The following ZNF461 variants were observed in gnomAD, a reference collection of about 807,000 sequenced individuals.
ZNF461 encodes gonadotropin-inducible ovarian transcription factor-1.
In ZNF461, 16 loss-of-function variants were observed where a neutral mutation model predicts 18.3. The ratio of observed to expected loss-of-function variants is 0.88; its 90% CI spans 0.59 to 1.33. ZNF461 has a LOEUF of 1.33. Ranked by LOEUF, ZNF461 falls within the 40% of genes most tolerant of loss-of-function variation. The pLI is 0.00. For synonymous variants in ZNF461, 179 were observed against 216.9 expected, an observed-to-expected ratio of 0.83 and a Z score of 1.54; for missense variants, 595 against 669.9, an observed-to-expected ratio of 0.89 and a Z score of 1.23.
At chr19:36,656,925 C>G (rs931434517) in intron 3 of ZNF461, among the ~76,000 whole-genome samples, 2 of 151,336 alleles carry the variant, frequency 1.3e-5, no homozygotes, top group South Asian at 2.1e-4. Flanking sequence ...GTTCAAGTGA[C>G]TCTCCTGCCT....
chr19:36,640,242 C>G, intron 5 of ZNF461, 199 bp from the exon 6 acceptor site: 2 of 490,298 alleles, frequency 4.1e-6, no homozygotes, highest in Non-Finnish European at 7.1e-6. Flanking sequence ...TTCAATGGTG[C>G]TGAAATTTTG....
chr19:36,651,489 T>C (rs975616584), intron 4 of ZNF461, among the ~76,000 whole-genome samples: 17 of 151,894 alleles, frequency 1.1e-4, no homozygotes, highest in Non-Finnish European at 2.4e-4. Context: ...AAAAAAAAAC[T>C]AGTACTAATA....
At chr19:36,658,448 T>C (rs781179447) in intron 2 of ZNF461, 23 bp from the exon 3 acceptor site, 2 of 1,569,502 alleles carry the variant, frequency 1.3e-6, no homozygotes, top group Non-Finnish European at 1.7e-6. Context: ...ATAATAGTAC[T>C]ATTTTTGAAA....
chr19:36,660,102 G>A (rs1219371533), intron 2 of ZNF461, among the ~76,000 whole-genome samples: 1 of 135,416 alleles, frequency 7.4e-6, no homozygotes, highest in Non-Finnish European at 1.6e-5. Flanking sequence ...TGTCATCCTT[G>A]TTTCTCATTG....
chr19:36,653,032 T>G (rs2037656515), intron 4 of ZNF461, among the ~76,000 whole-genome samples: 1 of 152,102 alleles, frequency 6.6e-6, no homozygotes, highest in Non-Finnish European at 1.5e-5. Context: ...AAAACCACAA[T>G]AAGATATAAT....
chr19:36,645,129 G>A (rs902315193), intron 4 of ZNF461: 1 of 152,614 alleles, frequency 6.6e-6, no homozygotes, highest in African/African-American at 2.4e-5. Context: ...TTGGGAGGCT[G>A]AGGTGGGAAG....
chr19:36,639,237 A>G lies in ZNF461; in HGVS notation c.1108T>C (p.Ser370Pro), dbSNP rs781694011. The change falls in exon 6 of 6, where the codon TCA (serine) becomes CCA (proline). Residue 370 changes from serine (S) to proline (P), a missense_variant. By Grantham distance (74) the Ser-to-Pro change is moderately conservative. Transcript: ENST00000588268. ...KECGKTFRHR[S>P]HLTIHQRIHT... Reference sequence around the variant, plus strand: ...ATTCTCTGATGTATAGTAAGATGTGAGCGATGCCTAAAAGTCTTTCCACAT... The same window carrying G: ...ATTCTCTGATGTATAGTAAGATGTGGGCGATGCCTAAAAGTCTTTCCACAT... The G allele has an allele frequency of 6.2e-7, 1 of 1,614,140 alleles. No homozygotes were observed. Among genetic ancestry groups the G allele is most frequent in the Admixed American group, 1.7e-5 (1 of 60,008 alleles).
At chr19:36,640,176 T>A in intron 5 of ZNF461, 133 bp from the exon 6 acceptor site, 2 of 729,200 alleles carry the variant, frequency 2.7e-6, no homozygotes, top group Non-Finnish European at 4.2e-6. Flanking sequence ...CTTAAATGGG[T>A]AAAGGAGCAC....
At chr19:36,645,622 T>A (rs1327888698) in intron 4 of ZNF461, among the ~76,000 whole-genome samples, 1 of 152,118 alleles carries the variant, frequency 6.6e-6, no homozygotes, top group Non-Finnish European at 1.5e-5. Flanking sequence ...AACCTATTCA[T>A]CACCTTACAT....
intron 4 of ZNF461, 61 bp from the exon 5 acceptor site, chr19:36,643,923 AAG>A (rs2037474600): frequency 7.8e-7 from 1 of 1,285,476 alleles, no homozygotes; most frequent in African/African-American, 1.5e-5. Flanking sequence ...ATACAATAAA[AAG>A]AGAATATCTA....
chr19:36,645,945 C>T (rs1184707955), intron 4 of ZNF461, among the ~76,000 whole-genome samples: 1 of 151,798 alleles, frequency 6.6e-6, no homozygotes, highest in African/African-American at 2.4e-5. Flanking sequence ...CCACCATGCC[C>T]GGCTAATTTT....
chr19:36,662,899 A>G (rs2037841987), intron 2 of ZNF461, among the ~76,000 whole-genome samples: 2 of 152,100 alleles, frequency 1.3e-5, no homozygotes, highest in Non-Finnish European at 2.9e-5. Context: ...AATAATATAG[A>G]TCTGATACAG....
rs2037376801 is a variant in ZNF461 at position 36,639,462 on chromosome 19, GA to G, written c.882del (p.His295ThrfsTer134). ...YGSELTLHQR[I>X]HTGEKPYECK... ...CATTCATAAGGTTTCTCACCAGTGT[GA>G]ATTCTTTGATGTAGAGTAAGTTCTG... On this transcript the variant is annotated frameshift_variant, in exon 6 of 6. Transcript: ENST00000588268. LOFTEE classifies it low-confidence loss of function (END_TRUNC). The G allele has an allele frequency of 1.2e-6, 2 of 1,613,998 alleles. No individual in the cohort carries two copies. Among genetic ancestry groups the G allele is most frequent in the East Asian group, 2.2e-5 (1 of 44,870 alleles).
In ZNF461 at chr19:36,637,209, CTTTTT is replaced by C. The variant is rs972468494; in HGVS notation, c.*1439_*1443del. The C allele has an allele frequency of 2.3e-5, 3 of 130,650 alleles. No individual in the cohort carries two copies. Among genetic ancestry groups the C allele is most frequent in the African/African-American group, 5.7e-5 (2 of 35,088 alleles). The allele number at this position is 130,650 out of a possible 1,614,324, so 8.1% of individuals were successfully genotyped here. Reference sequence around the variant, plus strand: ...TTTGACAATTTTCTTTTTTTTTTTTCTTTTTGAGACAGAGTCTCACTGTGTTGCCC... The same window carrying C: ...TTTGACAATTTTCTTTTTTTTTTTTCGAGACAGAGTCTCACTGTGTTGCCC... On this transcript the variant is annotated 3_prime_UTR_variant, in exon 6 of 6. Transcript: ENST00000588268.
At chr19:36,643,711 G>A in intron 5 of ZNF461, 83 bp downstream of exon 5, 1 of 1,324,256 alleles carries the variant, frequency 7.6e-7, no homozygotes, top group Non-Finnish European at 9.8e-7. Context: ...GTAGGTTTGG[G>A]GAATAAACAT....
rs770217890 is a variant in ZNF461, at chr19:36,639,971, C to T, written c.374G>A (p.Trp125Ter). ...GCTTTTAAATTCTTCCATGTTAACC[C>T]ACTGGGATAATTCTGTTTCATAAAT... is the stretch of plus-strand genomic sequence containing the variant. ...RDIYETELSQ[W>*]VNMEEFKSHS... Residue 125 changes from tryptophan (W) to a stop codon, truncating the protein, a stop_gained, in exon 6 of 6, where the codon TGG becomes TAG. Transcript: ENST00000588268. LOFTEE classifies it low-confidence loss of function (END_TRUNC). 34 of 1,613,652 alleles carry T rather than the reference C, an allele frequency of 2.1e-5. No individual in the cohort carries two copies. In the Middle Eastern group the frequency reaches 8.2e-4, roughly 39 times the overall value.
chr19:36,642,217 C>G (rs946059896), intron 5 of ZNF461, among the ~76,000 whole-genome samples: 2 of 152,144 alleles, frequency 1.3e-5, no homozygotes, highest in African/African-American at 4.8e-5. Flanking sequence ...TAGGCACGAG[C>G]CACCACACCA....
intron 4 of ZNF461, among the ~76,000 whole-genome samples, chr19:36,652,546 T>G (rs887723716): frequency 6.6e-5 from 10 of 150,596 alleles, no homozygotes; most frequent in African/African-American, 2.2e-4. Context: ...AAAAGAACAT[T>G]GGAGAAAATC....
Position 36,637,552 on chromosome 19 carries a change from C to G in ZNF461, c.*1101G>C, listed in dbSNP as rs557514139. 1.2e-5 allele frequency: 2 copies of G among 171,374 alleles called. No homozygotes were observed. The highest frequency in any genetic ancestry group is 4.8e-5 in the African/African-American group (2 of 41,562). The allele number at this position is 171,374 out of a possible 1,614,324, so 10.6% of individuals were successfully genotyped here. ...ATAAGAATAAATATAGCTTATTGGC[C>G]GGGCATAGTGGCTGCGCATGCCTGT... On this transcript the variant is annotated 3_prime_UTR_variant, in exon 6 of 6. Transcript: ENST00000588268.
Sources: allele counts gnomAD v4.1 joint callset (sites outside exome capture counted in the v4.1 genomes callset), GRCh38; gene constraint gnomAD v4.1.1; transcripts MANE v1.5; gene names NCBI Gene and HGNC (gene_info 2026-07-23, HGNC 2026-07-21).